POU2F1: variants seen among roughly 807,000 people sequenced by gnomAD.
POU2F1 encodes POU class 2 homeobox 1.
A neutral mutation model predicts 84.9 loss-of-function variants in POU2F1; 16 were observed. That is an observed-to-expected ratio of 0.19 (90% confidence interval 0.13 to 0.29). The LOEUF (loss-of-function observed/expected upper bound fraction) is 0.29, where lower values mean the gene tolerates loss of function less well. POU2F1 is among the 10% of genes least tolerant of loss of function. The pLI is 1.00. For missense variants in POU2F1, 738 were observed against 942.6 expected, an observed-to-expected ratio of 0.78 and a Z score of 2.84; for synonymous variants, 368 against 368.3, an observed-to-expected ratio of 1.00 and a Z score of 0.01.
chr1:167,312,711 C>T (rs889980973), intron 1 of POU2F1, among the ~76,000 whole-genome samples: 1 of 152,206 alleles, frequency 6.6e-6, no homozygotes. Flanking sequence ...TTCACATTCA[C>T]TCACAACTCC....
chr1:167,407,204 A>T (rs995905791), intron 13 of POU2F1, among the ~76,000 whole-genome samples: 1 of 151,654 alleles, frequency 6.6e-6, no homozygotes, highest in Non-Finnish European at 1.5e-5. Context: ...TAATATTTGT[A>T]TTTTTTGTAG....
At chr1:167,248,195 T>TA (rs1305920089) in intron 1 of POU2F1, among the ~76,000 whole-genome samples, 10 of 152,364 alleles carry the variant, frequency 6.6e-5, no homozygotes, top group African/African-American at 2.4e-4. Context: ...AGTGGGTAGT[T>TA]ATGTTTACTT....
At chr1:167,336,528 C>T (rs1017193625) in intron 2 of POU2F1, among the ~76,000 whole-genome samples, 4 of 152,020 alleles carry the variant, frequency 2.6e-5, no homozygotes, top group Non-Finnish European at 5.9e-5. Context: ...AGAGGCAAGT[C>T]ATAATGTTAT....
At chr1:167,414,411 A>G (rs1236031772) in intron 15 of POU2F1, 3 of 985,240 alleles carry the variant, frequency 3.0e-6, no homozygotes, top group Non-Finnish European at 3.6e-6. Flanking sequence ...ACTGTTCTGT[A>G]CTATTTGTAT....
At chr1:167,315,613 A>C (rs947551528) in intron 1 of POU2F1, among the ~76,000 whole-genome samples, 8 of 151,964 alleles carry the variant, frequency 5.3e-5, no homozygotes, top group African/African-American at 1.9e-4. Context: ...TTGTCTCTAA[A>C]AAAAATTGTT....
At chr1:167,298,001 C>G (rs939280351) in intron 1 of POU2F1, among the ~76,000 whole-genome samples, 1 of 151,998 alleles carries the variant, frequency 6.6e-6, no homozygotes, top group African/African-American at 2.4e-5. Context: ...TGGTGCAAGC[C>G]TGTAATCCCA....
intron 7 of POU2F1, among the ~76,000 whole-genome samples, chr1:167,382,856 T>G (rs548641244): frequency 6.6e-6 from 1 of 152,318 alleles, no homozygotes; most frequent in South Asian, 2.1e-4. Context: ...ATAGCTTAAA[T>G]TTAGGCAGTG....
Position 167,414,292 on chromosome 1 carries a change from T to C in POU2F1, c.1990+1178T>C, listed in dbSNP as rs368946667. 382 of 979,020 alleles carry C rather than the reference T, an allele frequency of 3.9e-4. 1 individual carries two copies. In the African/African-American group the frequency reaches 6.3e-3, roughly 16 times the overall value. 60.6% of individuals were successfully genotyped at this position (979,020 alleles called of 1,614,324 possible). On this transcript the variant is annotated intron_variant, in intron 15 of 15. Coordinates refer to ENST00000367866, the MANE Select transcript of POU2F1 (RefSeq NM_002697.4). ...TTTCTTCTGCTTTATTGAATGTTTC[T>C]GTGCTGTGTTGATACTACAAAGGCA...
intron 1 of POU2F1, among the ~76,000 whole-genome samples, chr1:167,304,090 T>C (rs1436373759): frequency 6.6e-6 from 1 of 152,144 alleles, no homozygotes; most frequent in Admixed American, 6.5e-5. Flanking sequence ...CGACTCCAGT[T>C]CAGAATCTAC....
intron 7 of POU2F1, among the ~76,000 whole-genome samples, chr1:167,377,876 T>C (rs1463468656): frequency 5.3e-5 from 8 of 152,186 alleles, no homozygotes; most frequent in Admixed American, 3.3e-4. Flanking sequence ...TGTGTACATA[T>C]GTACTGAAAG....
In POU2F1 at chr1:167,227,510, T is replaced by C. The variant is rs551671262; in HGVS notation, c.61+6552T>C. Among the ~76,000 whole-genome samples, 100 of 152,352 alleles carry C rather than the reference T, an allele frequency of 6.6e-4. 2 individuals are homozygous for C. In the South Asian group the frequency reaches 0.013, roughly 20 times the overall value. On this transcript the variant is annotated intron_variant, in intron 1 of 15. Coordinates refer to ENST00000367866, the MANE Select transcript of POU2F1 (RefSeq NM_002697.4). Reference sequence around the variant, plus strand: ...ACCTTAAAGGGAATATATTTTTATATGGAAAAGTGACTTAGGTGTTTTCTT... The same window carrying C: ...ACCTTAAAGGGAATATATTTTTATACGGAAAAGTGACTTAGGTGTTTTCTT...
chr1:167,374,824 T>A (rs960318951), intron 6 of POU2F1, among the ~76,000 whole-genome samples: 3 of 152,150 alleles, frequency 2.0e-5, no homozygotes, highest in Non-Finnish European at 4.4e-5. Context: ...TCCCAGCACT[T>A]TGGGAGGCCG....
intron 3 of POU2F1, among the ~76,000 whole-genome samples, chr1:167,368,112 C>T (rs1311638300): frequency 1.3e-5 from 2 of 152,166 alleles, no homozygotes; most frequent in Non-Finnish European, 2.9e-5. Flanking sequence ...TTCCTGCCCA[C>T]AATCCAGTCC....
At chr1:167,324,375 A>G (rs1235820224) in intron 1 of POU2F1, among the ~76,000 whole-genome samples, 2 of 148,798 alleles carry the variant, frequency 1.3e-5, no homozygotes, top group Non-Finnish European at 2.9e-5. Flanking sequence ...GTCTATACAT[A>G]TATGTACAAT....
chr1:167,349,936 G>A (rs1277546259), intron 2 of POU2F1, among the ~76,000 whole-genome samples: 1 of 152,308 alleles, frequency 6.6e-6, no homozygotes, highest in Non-Finnish European at 1.5e-5. Context: ...TTCAAGGGAA[G>A]AGAAATTTCT....
At chr1:167,387,787 A>T (rs1437650659) in intron 8 of POU2F1, among the ~76,000 whole-genome samples, 2 of 152,228 alleles carry the variant, frequency 1.3e-5, no homozygotes, top group Non-Finnish European at 2.9e-5. Context: ...TGTGAATAGA[A>T]CAGAATAACC....
intron 1 of POU2F1, among the ~76,000 whole-genome samples, chr1:167,315,015 T>G (rs1045863116): frequency 7.9e-5 from 12 of 152,166 alleles, no homozygotes; most frequent in Non-Finnish European, 1.8e-4. Context: ...TCTCTCTTGC[T>G]CCTGCTTTTG....
chr1:167,389,538 A>C, intron 8 of POU2F1, 50 bp from the exon 9 acceptor site: 1 of 1,602,298 alleles, frequency 6.2e-7, no homozygotes, highest in Non-Finnish European at 8.5e-7. Flanking sequence ...GAGTAAACCT[A>C]AATATCTCTT....
At chr1:167,387,847 T>C (rs1648102778) in intron 8 of POU2F1, among the ~76,000 whole-genome samples, 1 of 152,198 alleles carries the variant, frequency 6.6e-6, no homozygotes, top group Non-Finnish European at 1.5e-5. Context: ...AAAAAGAGAC[T>C]ATACCCTCAT....
Sources: allele counts gnomAD v4.1 joint callset (sites outside exome capture counted in the v4.1 genomes callset), GRCh38; gene constraint gnomAD v4.1.1; transcripts MANE v1.5; gene names NCBI Gene and HGNC (gene_info 2026-07-23, HGNC 2026-07-21).